PIP5K1B: variants seen among roughly 807,000 people sequenced by gnomAD.
The protein encoded by PIP5K1B is phosphatidylinositol 4-phosphate 5-kinase type-1 beta.
A neutral mutation model predicts 67.0 loss-of-function variants in PIP5K1B; 42 were observed. That is an observed-to-expected ratio of 0.63 (90% CI 0.49 to 0.81). The LOEUF is 0.81. PIP5K1B is among the 30% of genes least tolerant of loss of function. The pLI is 0.00. For synonymous variants in PIP5K1B, 214 were observed against 231.4 expected (o/e 0.92, Z 0.68); for missense variants, 459 against 646.3 (o/e 0.71, Z 3.14).
chr9:68,838,722 T>TGCACTTGTAC (rs1821761635), intron 4 of PIP5K1B, among the ~76,000 whole-genome samples: 1 of 152,206 alleles, frequency 6.6e-6, no homozygotes, highest in Non-Finnish European at 1.5e-5. Flanking sequence ...GTAACAAACC[T>TGCACTTGTAC]GCACTTGTAC....
rs924988777 is a variant in PIP5K1B, at chr9:68,734,022, T to A, written c.-242-8479T>A. ...TATTGTGGTGATTAAGAGCTTGAAT[T>A]TGGGCTGAAATTCTGGCTCTGCAAC... On this transcript the variant is annotated intron_variant, in intron 1 of 15. Coordinates refer to ENST00000265382, the MANE Select transcript of PIP5K1B (RefSeq NM_003558.4). Among the ~76,000 whole-genome samples the A allele has an allele frequency of 9.9e-5, 15 of 152,186 alleles. 1 individual carries two copies. Among genetic ancestry groups the A allele is most frequent in the Admixed American group, 9.2e-4 (14 of 15,272 alleles).
chr9:68,885,111 G>A (rs1000148576), intron 6 of PIP5K1B, among the ~76,000 whole-genome samples: 1 of 152,162 alleles, frequency 6.6e-6, no homozygotes, highest in Non-Finnish European at 1.5e-5. Flanking sequence ...ATACACAATG[G>A]AATACTGTTC....
intron 4 of PIP5K1B, among the ~76,000 whole-genome samples, chr9:68,844,292 A>T (rs1249468205): frequency 3.3e-5 from 5 of 152,160 alleles, no homozygotes; most frequent in Admixed American, 3.3e-4. Context: ...TGTTGGAAAG[A>T]GTGTGGGGTC....
chr9:68,841,541 G>A (rs940179929), intron 4 of PIP5K1B, among the ~76,000 whole-genome samples: 14 of 152,156 alleles, frequency 9.2e-5, no homozygotes, highest in African/African-American at 3.4e-4. Flanking sequence ...TGTACCATGG[G>A]ACTGGTATTT....
chr9:68,849,050 A>T (rs1488712471), intron 4 of PIP5K1B, among the ~76,000 whole-genome samples: 1 of 152,230 alleles, frequency 6.6e-6, no homozygotes, highest in East Asian at 1.9e-4. Context: ...TCCGTAGAAG[A>T]CATCTTGGCA....
intron 14 of PIP5K1B, among the ~76,000 whole-genome samples, chr9:68,988,832 C>T (rs1207268639): frequency 6.6e-6 from 1 of 152,016 alleles, no homozygotes; most frequent in African/African-American, 2.4e-5. Flanking sequence ...CATGGTGGCT[C>T]ATGCCTGTAG....
At chr9:68,940,496 A>C in intron 13 of PIP5K1B, 150 bp from the exon 14 acceptor site, 1 of 664,768 alleles carries the variant, frequency 1.5e-6, no homozygotes, top group Non-Finnish European at 2.5e-6. Flanking sequence ...TTTCTGCTGT[A>C]ATTCAGAAAA....
intron 8 of PIP5K1B, among the ~76,000 whole-genome samples, chr9:68,916,911 C>T (rs1344981985): frequency 6.6e-6 from 1 of 151,558 alleles, no homozygotes; most frequent in African/African-American, 2.4e-5. Flanking sequence ...AAGAAGACCA[C>T]TAACTTCCAA....
intron 4 of PIP5K1B, among the ~76,000 whole-genome samples, chr9:68,861,899 TTTG>T (rs1041640530): frequency 7.4e-6 from 1 of 135,780 alleles, no homozygotes; most frequent in African/African-American, 2.7e-5. Flanking sequence ...TTGTTTGTTT[TTTG>T]TTTTTTTTTT....
chr9:68,904,837 G>T (rs1825532189), intron 8 of PIP5K1B, among the ~76,000 whole-genome samples: 1 of 151,678 alleles, frequency 6.6e-6, no homozygotes, highest in African/African-American at 2.4e-5. Context: ...GAGACTGAAG[G>T]TAATTTCCTC....
At chr9:68,916,566 G>A (rs903128883) in intron 8 of PIP5K1B, among the ~76,000 whole-genome samples, 1 of 152,046 alleles carries the variant, frequency 6.6e-6, no homozygotes, top group Non-Finnish European at 1.5e-5. Flanking sequence ...GGAACTGAAC[G>A]GCACCTTCGA....
intron 12 of PIP5K1B, among the ~76,000 whole-genome samples, chr9:68,924,110 TAA>T (rs71500336): frequency 3.2e-4 from 40 of 125,798 alleles, no homozygotes; most frequent in Admixed American, 3.3e-4. Context: ...CTCTTACCTT[TAA>T]AAAAAAAAAA....
At chr9:68,799,062 G>A (rs1160523727) in intron 2 of PIP5K1B, among the ~76,000 whole-genome samples, 1 of 152,186 alleles carries the variant, frequency 6.6e-6, no homozygotes, top group Non-Finnish European at 1.5e-5. Context: ...ATAAAGAGGT[G>A]TTTGAGTTTT....
intron 6 of PIP5K1B, among the ~76,000 whole-genome samples, chr9:68,882,065 T>G (rs1326055873): frequency 1.3e-5 from 2 of 152,108 alleles, no homozygotes; most frequent in Admixed American, 1.3e-4. Context: ...TTTTCTCCAG[T>G]GAATATAGCA....
intron 8 of PIP5K1B, among the ~76,000 whole-genome samples, chr9:68,911,629 G>A (rs886364759): frequency 6.6e-6 from 1 of 152,138 alleles, no homozygotes; most frequent in African/African-American, 2.4e-5. Flanking sequence ...GGTGGCTCAT[G>A]CCTGTAATCC....
intron 2 of PIP5K1B, among the ~76,000 whole-genome samples, chr9:68,806,752 C>G (rs1256388005): frequency 6.6e-6 from 1 of 152,156 alleles, no homozygotes; most frequent in Non-Finnish European, 1.5e-5. Context: ...GACCCTGACT[C>G]TAGACCACAG....
chr9:68,788,272 A>C (rs1831745430), intron 2 of PIP5K1B: 4 of 544,726 alleles, frequency 7.3e-6, no homozygotes, highest in Non-Finnish European at 9.8e-6. Context: ...GAAATGAAAA[A>C]GTGTTCATGA....
chr9:68,756,663 A>G (rs1206304702), intron 2 of PIP5K1B, among the ~76,000 whole-genome samples: 2 of 152,094 alleles, frequency 1.3e-5, no homozygotes, highest in African/African-American at 4.8e-5. Context: ...TCTTCTTTGC[A>G]CCAAACAAAT....
intron 2 of PIP5K1B, among the ~76,000 whole-genome samples, chr9:68,785,687 C>T (rs775942454): frequency 4.6e-5 from 7 of 152,110 alleles, no homozygotes; most frequent in Non-Finnish European, 8.8e-5. Flanking sequence ...GAGTTACTTG[C>T]CCAGGATTCC....
Sources: gnomAD v4.1 joint callset for allele counts (sites outside exome capture counted in the v4.1 genomes callset) on GRCh38, gnomAD v4.1.1 for gene constraint, MANE v1.5 for transcripts, NCBI Gene and HGNC (gene_info 2026-07-23, HGNC 2026-07-21) for gene names.